Variants in ITPR1 observed in about 807,000 individuals in gnomAD.
ITPR1 encodes the protein inositol 1,4,5-trisphosphate-gated calcium channel ITPR1.
Under a neutral mutation model 318.4 loss-of-function variants are expected in ITPR1, and 96 were observed. The ratio of observed to expected loss-of-function variants is 0.30; its 90% CI spans 0.26 to 0.36. ITPR1 has a LOEUF of 0.36. Ranked by LOEUF, ITPR1 falls within the 10% of genes least tolerant of loss-of-function variation. The pLI is 1.00. For missense variants in ITPR1, 2,440 were observed against 3,460.2 expected, an observed-to-expected ratio of 0.71 and a Z score of 7.40; for synonymous variants, 1,312 against 1,289.9, an observed-to-expected ratio of 1.02 and a Z score of -0.37.
At chr3:4,641,185 T>C (rs1318887655) in intron 6 of ITPR1, among the ~76,000 whole-genome samples, 1 of 152,208 alleles carries the variant, frequency 6.6e-6, no homozygotes, top group Non-Finnish European at 1.5e-5. Flanking sequence ...TCTTATAGCC[T>C]GTTGAGTTGG....
chr3:4,568,893 G>T (rs533629021), intron 4 of ITPR1, among the ~76,000 whole-genome samples: 2 of 152,270 alleles, frequency 1.3e-5, no homozygotes, highest in African/African-American at 4.8e-5. Flanking sequence ...TATAAGCATG[G>T]TGCTGGCTTG....
At chr3:4,684,637 T>G (rs1028702509) in intron 29 of ITPR1, among the ~76,000 whole-genome samples, 1 of 152,256 alleles carries the variant, frequency 6.6e-6, no homozygotes, top group Non-Finnish European at 1.5e-5. Flanking sequence ...GAAGGACTAA[T>G]TGAGAATACT....
At chr3:4,790,705 C>CTTCAGTA (rs1296697471) in intron 52 of ITPR1, among the ~76,000 whole-genome samples, 1 of 152,202 alleles carries the variant, frequency 6.6e-6, no homozygotes, top group Non-Finnish European at 1.5e-5. Flanking sequence ...TGCAGAGGAT[C>CTTCAGTA]ATCTGTTCTT....
chr3:4,705,467 T>C (rs1443019725), intron 36 of ITPR1, among the ~76,000 whole-genome samples: 1 of 152,184 alleles, frequency 6.6e-6, no homozygotes, highest in African/African-American at 2.4e-5. Context: ...CTTTTTCTGT[T>C]CCAGGATTTG....
intron 54 of ITPR1, among the ~76,000 whole-genome samples, chr3:4,801,205 T>C (rs2048208785): frequency 6.6e-6 from 1 of 152,130 alleles, no homozygotes; most frequent in Non-Finnish European, 1.5e-5. Context: ...GAGGTTTCCT[T>C]GTGAAGGGAA....
intron 4 of ITPR1, among the ~76,000 whole-genome samples, chr3:4,608,060 C>G (rs960821916): frequency 6.6e-6 from 1 of 152,144 alleles, no homozygotes; most frequent in African/African-American, 2.4e-5. Context: ...CCAAAGTTAG[C>G]TTTGCCTAAG....
chr3:4,786,711 C>G (rs1441421563), intron 51 of ITPR1, among the ~76,000 whole-genome samples: 11 of 152,304 alleles, frequency 7.2e-5, no homozygotes, highest in African/African-American at 2.6e-4. Flanking sequence ...TCTCTGGGGA[C>G]TGAGCCAGTC....
At chr3:4,497,691 A>C (rs1429454380) in intron 2 of ITPR1, among the ~76,000 whole-genome samples, 1 of 152,218 alleles carries the variant, frequency 6.6e-6, no homozygotes, top group Non-Finnish European at 1.5e-5. Flanking sequence ...TATATGTCCC[A>C]GCAATTCCAC....
rs925889334 is a variant in ITPR1 at position 4,833,852 on chromosome 3, C to G, written c.8029-2922C>G. Among the ~76,000 whole-genome samples the G allele has an allele frequency of 8.5e-5, 13 of 152,326 alleles. No homozygotes were observed. The East Asian group carries it at 2.5e-3, about 29-fold the overall frequency. On this transcript the variant is annotated intron_variant, in intron 60 of 61. Transcript: ENST00000649015. ...TTGGGTCTTACTTGGACACTACTCTCTCTACCGCTCCTAGATACAACATAG... is the reference window on the plus strand; with the variant it reads ...TTGGGTCTTACTTGGACACTACTCTGTCTACCGCTCCTAGATACAACATAG...
intron 61 of ITPR1, among the ~76,000 whole-genome samples, chr3:4,844,682 C>G (rs2051627310): frequency 6.6e-6 from 1 of 152,186 alleles, no homozygotes; most frequent in Non-Finnish European, 1.5e-5. Context: ...TGTAACACTT[C>G]CTTTAAAGAT....
At chr3:4,729,118 G>T (rs988058698) in intron 42 of ITPR1, among the ~76,000 whole-genome samples, 1 of 152,184 alleles carries the variant, frequency 6.6e-6, no homozygotes, top group Non-Finnish European at 1.5e-5. Context: ...AGAGGACTTG[G>T]TATGGAATGC....
chr3:4,513,837 T>G (rs1449955337), intron 2 of ITPR1, among the ~76,000 whole-genome samples: 1 of 152,048 alleles, frequency 6.6e-6, no homozygotes, highest in Non-Finnish European at 1.5e-5. Context: ...TGTCATCCCA[T>G]TACTTTGGGA....
chr3:4,614,093 A>T lies in ITPR1; in HGVS notation c.164-13670A>T, dbSNP rs555093891. ...CTTTGATTTGGCATCTTTCACTCCA[A>T]ATAATGACTGTGATACAAAAAAATT... is the stretch of plus-strand genomic sequence containing the variant. On this transcript the variant is annotated intron_variant, in intron 4 of 61. Coordinates refer to ENST00000649015, the MANE Select transcript of ITPR1 (RefSeq NM_001378452.1). Among the ~76,000 whole-genome samples, 3 of 152,298 alleles carry T rather than the reference A, an allele frequency of 2.0e-5. No individual in the cohort carries two copies. The South Asian group carries it at 6.2e-4, about 32-fold the overall frequency.
Position 4,667,415 on chromosome 3 carries a change from G to C in ITPR1, c.1752G>C (p.Gln584His). Residue 584 changes from glutamine to histidine, a missense_variant, in exon 18 of 62, where the codon CAG (glutamine) becomes CAC (histidine). Physicochemically the swap from Gln to His is conservative, Grantham distance 24. This residue lies in a region of ITPR1 where 478 missense variants were observed against 696.3 expected (regional missense o/e 0.69). Transcript: ENST00000649015. Reference protein sequence around the residue: ...IAKQFGFMQKQIGYDVLAEDT... With the variant: ...IAKQFGFMQKHIGYDVLAEDT... ...AGCAGTTTGGCTTCATGCAGAAGCAGATTGGCTATGATGTGTTGGCTGAAG... is the reference window on the plus strand; with the variant it reads ...AGCAGTTTGGCTTCATGCAGAAGCACATTGGCTATGATGTGTTGGCTGAAG... The C allele has an allele frequency of 6.2e-7, 1 of 1,612,668 alleles. No individual in the cohort carries two copies. The highest frequency in any genetic ancestry group is 8.5e-7 in the Non-Finnish European group (1 of 1,179,340).
At position 4,518,505 on chromosome 3, in the gene ITPR1, A is replaced by G. The variant is rs941711785; in HGVS notation, c.92+1922A>G. Among the ~76,000 whole-genome samples the G allele has an allele frequency of 2.6e-5, 4 of 152,300 alleles. No homozygotes were observed. The Middle Eastern group carries it at 0.01, about 389-fold the overall frequency. On this transcript the variant is annotated intron_variant, in intron 3 of 61. Coordinates refer to ENST00000649015, the MANE Select transcript of ITPR1 (RefSeq NM_001378452.1). ...TGCACATATTTGAGGATAGCAGTGT[A>G]AAAATGGGGTTGGAAAGAAAGTTTG...
At chr3:4,544,161 G>A (rs1191696466) in intron 4 of ITPR1, among the ~76,000 whole-genome samples, 1 of 152,208 alleles carries the variant, frequency 6.6e-6, no homozygotes. Flanking sequence ...TTGACTGGAA[G>A]TGAGGTTTTG....
chr3:4,700,850 C>T (rs554744675), intron 35 of ITPR1, among the ~76,000 whole-genome samples: 23 of 152,304 alleles, frequency 1.5e-4, no homozygotes, highest in African/African-American at 5.5e-4. Flanking sequence ...AGGCACGTCC[C>T]ACATGGCAGC....
At chr3:4,839,753 T>A (rs569920350) in intron 61 of ITPR1, among the ~76,000 whole-genome samples, 3 of 152,314 alleles carry the variant, frequency 2.0e-5, no homozygotes, top group Non-Finnish European at 4.4e-5. Context: ...TGATTACATA[T>A]GGACTAAGGT....
At chr3:4,522,249 G>T (rs304017) in intron 4 of ITPR1, among the ~76,000 whole-genome samples, 25 of 152,038 alleles carry the variant, frequency 1.6e-4, no homozygotes, top group Non-Finnish European at 3.7e-4. Flanking sequence ...CAGCCAGGGC[G>T]GAAAACCACT....
Sources: gnomAD v4.1 joint callset for allele counts (sites outside exome capture counted in the v4.1 genomes callset) on GRCh38, gnomAD v4.1.1 for gene constraint, gnomAD v4.1.1 regional missense constraint, MANE v1.5 for transcripts, NCBI Gene and HGNC (gene_info 2026-07-23, HGNC 2026-07-21) for gene names.